The following MCPH1 variants were observed in gnomAD, a reference collection of about 807,000 sequenced individuals.
MCPH1 encodes microcephalin.
Under a neutral mutation model 84.5 loss-of-function variants are expected in MCPH1, and 104 were observed. That is an observed-to-expected ratio of 1.23 (90% CI 1.05 to 1.45). The LOEUF is 1.45. Ranked by LOEUF, MCPH1 falls within the 40% of genes most tolerant of loss-of-function variation. The probability of loss-of-function intolerance (pLI) is 0.00; values close to 1 mark genes in which losing one functional copy is unlikely to be tolerated. For synonymous variants in MCPH1, 514 were observed against 366.8 expected (o/e 1.40, Z -4.58); for missense variants, 1,498 against 1,005.7 (o/e 1.49, Z -6.62).
At chr8:6,573,684 A>G (rs1826844640) in intron 12 of MCPH1, among the ~76,000 whole-genome samples, 1 of 152,224 alleles carries the variant, frequency 6.6e-6, no homozygotes, top group South Asian at 2.1e-4. Context: ...AAATGGGAGC[A>G]TCTGATGAGA....
chr8:6,558,765 G>C (rs1047052077), intron 12 of MCPH1, among the ~76,000 whole-genome samples: 1 of 151,956 alleles, frequency 6.6e-6, no homozygotes. Flanking sequence ...CAGTATGTCA[G>C]ACAACCCCAT....
chr8:6,581,098 T>C (rs553151112), intron 12 of MCPH1, among the ~76,000 whole-genome samples: 2 of 152,258 alleles, frequency 1.3e-5, no homozygotes, highest in African/African-American at 4.8e-5. Flanking sequence ...CTAGGTTATA[T>C]GCAAATACTC....
At chr8:6,412,237 G>A (rs892027983) in intron 2 of MCPH1, among the ~76,000 whole-genome samples, 1 of 152,188 alleles carries the variant, frequency 6.6e-6, no homozygotes, top group African/African-American at 2.4e-5. Context: ...GTAGGAACCC[G>A]AGGGAGTCTG....
At chr8:6,522,710 G>T (rs190106550) in intron 12 of MCPH1, among the ~76,000 whole-genome samples, 17 of 149,200 alleles carry the variant, frequency 1.1e-4, no homozygotes, top group African/African-American at 4.2e-4. Flanking sequence ...GGAGGTGGAG[G>T]TTGCAGTGAG....
chr8:6,611,030 G>C (rs1191746509), intron 12 of MCPH1, among the ~76,000 whole-genome samples: 2 of 152,034 alleles, frequency 1.3e-5, no homozygotes, highest in Non-Finnish European at 2.9e-5. Context: ...AGGCAGAACT[G>C]TTCCTCTAAA....
At chr8:6,584,938 T>C (rs1169478105) in intron 12 of MCPH1, among the ~76,000 whole-genome samples, 1 of 152,136 alleles carries the variant, frequency 6.6e-6, no homozygotes, top group Admixed American at 6.5e-5. Flanking sequence ...CCAAATAAAA[T>C]ATAGGCATCC....
At chr8:6,499,100 A>G (rs1811658469) in intron 11 of MCPH1, among the ~76,000 whole-genome samples, 1 of 150,740 alleles carries the variant, frequency 6.6e-6, no homozygotes, top group Admixed American at 6.6e-5. Flanking sequence ...ATAAATAAAT[A>G]AAATAAACAT....
intron 12 of MCPH1, among the ~76,000 whole-genome samples, chr8:6,509,367 G>T (rs926254513): frequency 3.9e-5 from 6 of 152,188 alleles, no homozygotes; most frequent in Non-Finnish European, 4.4e-5. Flanking sequence ...AGAAGAGAAA[G>T]AAATGCAGCA....
chr8:6,498,492 C>G (rs1811550402), intron 11 of MCPH1, among the ~76,000 whole-genome samples: 1 of 152,138 alleles, frequency 6.6e-6, no homozygotes, highest in Non-Finnish European at 1.5e-5. Context: ...CAGAACTCTA[C>G]TTTAGCTTCT....
At chr8:6,608,942 C>A (rs145057670) in intron 12 of MCPH1, among the ~76,000 whole-genome samples, 1 of 152,142 alleles carries the variant, frequency 6.6e-6, no homozygotes, top group East Asian at 1.9e-4. Context: ...GCTTCCCAGG[C>A]GATGAGAATG....
chr8:6,506,169 C>A (rs895784436), intron 12 of MCPH1, among the ~76,000 whole-genome samples: 1 of 151,602 alleles, frequency 6.6e-6, no homozygotes, highest in African/African-American at 2.4e-5. Flanking sequence ...CGGAAGTTTG[C>A]GTGTTCTATT....
At chr8:6,558,862 T>C (rs1297136487) in intron 12 of MCPH1, among the ~76,000 whole-genome samples, 1 of 152,164 alleles carries the variant, frequency 6.6e-6, no homozygotes, top group African/African-American at 2.4e-5. Context: ...TATTATATTT[T>C]ATATACTGTA....
intron 13 of MCPH1, among the ~76,000 whole-genome samples, chr8:6,638,840 G>A (rs1043941944): frequency 9.2e-5 from 14 of 152,192 alleles, no homozygotes; most frequent in African/African-American, 3.1e-4. Flanking sequence ...GGAACGTGGG[G>A]CTGTGAGGGG....
At chr8:6,474,090 T>C in intron 9 of MCPH1, 2 of 778,720 alleles carry the variant, frequency 2.6e-6, no homozygotes, top group Admixed American at 1.7e-5. Flanking sequence ...ACAAAAACTA[T>C]GTGAAACCAG....
chr8:6,467,763 A>T (rs1035675686), intron 9 of MCPH1, among the ~76,000 whole-genome samples: 1 of 151,776 alleles, frequency 6.6e-6, no homozygotes, highest in African/African-American at 2.4e-5. Flanking sequence ...TGCTCAGCTA[A>T]TTTTTTTTGT....
intron 12 of MCPH1, chr8:6,514,862 G>C (rs1815941732): frequency 1.7e-6 from 2 of 1,199,982 alleles, no homozygotes; most frequent in African/African-American, 3.0e-5. Context: ...TGTAGACCCT[G>C]AGTGCAGGAC....
At chr8:6,518,600 C>T (rs1312673322) in intron 12 of MCPH1, among the ~76,000 whole-genome samples, 1 of 152,084 alleles carries the variant, frequency 6.6e-6, no homozygotes, top group Non-Finnish European at 1.5e-5. Context: ...AACCCTAATG[C>T]TTGTATTTTT....
At chr8:6,634,289 G>A (rs1322689154) in intron 13 of MCPH1, among the ~76,000 whole-genome samples, 1 of 152,222 alleles carries the variant, frequency 6.6e-6, no homozygotes, top group African/African-American at 2.4e-5. Flanking sequence ...TGGAATTCAA[G>A]TTTTAAAGCA....
intron 12 of MCPH1, among the ~76,000 whole-genome samples, chr8:6,559,434 T>C (rs1256726260): frequency 6.6e-6 from 1 of 152,200 alleles, no homozygotes; most frequent in Non-Finnish European, 1.5e-5. Context: ...TACACTATTA[T>C]TACTTTTAAA....
Sources: gnomAD v4.1 joint callset for allele counts (sites outside exome capture counted in the v4.1 genomes callset) on GRCh38, gnomAD v4.1.1 for gene constraint, MANE v1.5 for transcripts, NCBI Gene and HGNC (gene_info 2026-07-23, HGNC 2026-07-21) for gene names.